Variants in DCAF8 observed in about 807,000 individuals in gnomAD.
DCAF8 encodes the protein DDB1- and CUL4-associated factor 8.
Under a neutral mutation model 68.0 loss-of-function variants are expected in DCAF8, and 20 were observed. The ratio of observed to expected loss-of-function variants is 0.29; its 90% confidence interval spans 0.21 to 0.43. DCAF8 has a LOEUF of 0.43. DCAF8 is among the 20% of genes least tolerant of loss of function. DCAF8 has a pLI of 1.00. For synonymous variants in DCAF8, 230 were observed against 276.9 expected (o/e 0.83, Z 1.68); for missense variants, 460 against 771.0 (o/e 0.60, Z 4.78).
intron 2 of DCAF8, among the ~76,000 whole-genome samples, chr1:160,259,451 T>C (rs1304868218): frequency 6.6e-6 from 1 of 152,094 alleles, no homozygotes; most frequent in South Asian, 2.1e-4. Context: ...GAGAATCGCT[T>C]GAACCAGGGA....
intron 4 of DCAF8, 27 bp downstream of exon 4, chr1:160,239,670 A>C: frequency 6.2e-7 from 1 of 1,614,172 alleles, no homozygotes; most frequent in Non-Finnish European, 8.5e-7. Context: ...TGATTCTCTC[A>C]GTTGCTATTA....
intron 3 of DCAF8, among the ~76,000 whole-genome samples, chr1:160,241,709 C>T (rs549168325): frequency 1.2e-4 from 18 of 152,214 alleles, no homozygotes; most frequent in South Asian, 4.2e-4. Context: ...AAATTTTATC[C>T]GCCAGAAGTA....
rs1228426347 is a variant in DCAF8 at position 160,217,384 on chromosome 1, G to C, written c.*208C>G. ...GCCGAGTCCTATGCACCTCTCCATA[G>C]AGCCCCATTCCAGGGCTCAACTCCC... On this transcript the variant is annotated 3_prime_UTR_variant, in exon 14 of 14. Coordinates refer to ENST00000368074, the MANE Select transcript of DCAF8 (RefSeq NM_015726.4). 1.0e-5 allele frequency: 5 copies of C among 491,196 alleles called. No individual in the cohort carries two copies. The highest frequency in any genetic ancestry group is 1.8e-5 in the Non-Finnish European group (5 of 278,284). 30.4% of individuals were successfully genotyped at this position (491,196 alleles called of 1,614,324 possible). A position where few individuals can be genotyped will look rare whatever the true frequency, so the allele number is the denominator to read the frequency against.
intron 7 of DCAF8, among the ~76,000 whole-genome samples, chr1:160,230,726 G>A (rs1655649281): frequency 6.6e-6 from 1 of 152,146 alleles, no homozygotes; most frequent in Non-Finnish European, 1.5e-5. Flanking sequence ...GCTGCCACGT[G>A]AGGACCTTGG....
chr1:160,234,799 T>TAC (rs1285262550), intron 6 of DCAF8, among the ~76,000 whole-genome samples: 4 of 151,076 alleles, frequency 2.6e-5, no homozygotes, highest in Admixed American at 6.6e-5. Flanking sequence ...GTCAGATAAC[T>TAC]ACAAAGCTAG....
rs776623943 is a variant in DCAF8 at position 160,239,919 on chromosome 1, G to A, written c.501C>T (p.Ala167=). ...ALRERELGSS[A]RFVYEACGAR... ...CCCCACAGGCCTCATAGACAAAGCG[G>A]GCACTTGAACCCAGCTCCCGCTCCC... Residue 167 remains alanine, a synonymous_variant, in exon 4 of 14, where the codon GCC becomes GCT. Coordinates refer to ENST00000368074, the MANE Select transcript of DCAF8 (RefSeq NM_015726.4). 1.2e-6 allele frequency: 2 copies of A among 1,614,256 alleles called. No homozygotes were observed. The highest frequency in any genetic ancestry group is 1.7e-6 in the Non-Finnish European group (2 of 1,180,048).
At chr1:160,236,787 TATTTAA>T (rs910060826) in intron 6 of DCAF8, among the ~76,000 whole-genome samples, 2 of 152,364 alleles carry the variant, frequency 1.3e-5, no homozygotes, top group Admixed American at 1.3e-4. Context: ...ATTAAAAATG[TATTTAA>T]ATTTAAAATT....
intron 10 of DCAF8, among the ~76,000 whole-genome samples, chr1:160,224,038 TG>T (rs1364750558): frequency 2.0e-5 from 3 of 152,204 alleles, no homozygotes; most frequent in African/African-American, 7.2e-5. Flanking sequence ...CCTCCTCTTC[TG>T]CCTCATCTAA....
At chr1:160,248,310 A>T (rs529106768) in intron 2 of DCAF8, among the ~76,000 whole-genome samples, 5 of 152,180 alleles carry the variant, frequency 3.3e-5, no homozygotes, top group African/African-American at 1.2e-4. Flanking sequence ...CCATCTAGAA[A>T]AAAAAAAAAA....
intron 2 of DCAF8, among the ~76,000 whole-genome samples, chr1:160,248,948 T>C (rs1656469617): frequency 6.6e-6 from 1 of 151,542 alleles, no homozygotes; most frequent in African/African-American, 2.4e-5. Context: ...TCCCAGCACT[T>C]TGGGAGGCTG....
At chr1:160,252,559 A>T (rs1398769892) in intron 2 of DCAF8, among the ~76,000 whole-genome samples, 1 of 152,178 alleles carries the variant, frequency 6.6e-6, no homozygotes, top group Non-Finnish European at 1.5e-5. Flanking sequence ...AGTATAATAA[A>T]AGCTTTGTTG....
Position 160,218,345 on chromosome 1 carries a change from C to T in DCAF8, c.1656G>A (p.Leu552=), listed in dbSNP as rs369866330. 1.9e-5 allele frequency: 31 copies of T among 1,614,080 alleles called. No homozygotes were observed. In the African/African-American group the frequency reaches 3.1e-4, roughly 16 times the overall value. The part of the protein sequence containing the change: ...SHMLWFLMHH[L]RQRRHHRRWR... ...TTACCCGGTGATGGCGTCTCTGTCT[C>T]AGGTGATGCATAAGGAACCACAGCA... Residue 552 remains leucine, a synonymous_variant, in exon 13 of 14, where the codon CTG becomes CTA. Coordinates refer to ENST00000368074, the MANE Select transcript of DCAF8 (RefSeq NM_015726.4).
intron 2 of DCAF8, among the ~76,000 whole-genome samples, chr1:160,244,309 C>T (rs1434404492): frequency 2.6e-5 from 4 of 152,042 alleles, no homozygotes; most frequent in African/African-American, 7.2e-5. Context: ...TTTTCAGATG[C>T]GAAAGTGGGA....
At chr1:160,237,038 C>T (rs750453364) in intron 6 of DCAF8, 97 bp downstream of exon 6, 4 of 806,766 alleles carry the variant, frequency 5.0e-6, no homozygotes, top group Non-Finnish European at 7.8e-6. Flanking sequence ...CACAAAGGTA[C>T]TATTCGGATG....
chr1:160,255,497 A>G (rs1412085310), intron 2 of DCAF8, among the ~76,000 whole-genome samples: 5 of 152,238 alleles, frequency 3.3e-5, no homozygotes, highest in African/African-American at 1.2e-4. Flanking sequence ...ATCACCATGG[A>G]TAATGATGAG....
chr1:160,233,962 G>GT (rs1655781519), intron 6 of DCAF8, among the ~76,000 whole-genome samples: 1 of 152,114 alleles, frequency 6.6e-6, no homozygotes, highest in South Asian at 2.1e-4. Context: ...TAATGAGCAA[G>GT]TATGTCCCAG....
rs1275593295 is a variant in DCAF8, at chr1:160,251,748, C to A, written c.-26-7714G>T. Among the ~76,000 whole-genome samples the A allele has an allele frequency of 2.6e-5, 4 of 152,160 alleles. No individual in the cohort carries two copies. In the East Asian group the frequency reaches 7.7e-4, roughly 29 times the overall value. On this transcript the variant is annotated intron_variant, in intron 2 of 13. Coordinates refer to ENST00000368074, the MANE Select transcript of DCAF8 (RefSeq NM_015726.4). ...CTCCCAAAATGCTTGAGATTACAGGCACGAGCCACTGCACCTGGCCGTATA... is the reference window on the plus strand; with the variant it reads ...CTCCCAAAATGCTTGAGATTACAGGAACGAGCCACTGCACCTGGCCGTATA...
intron 2 of DCAF8, among the ~76,000 whole-genome samples, chr1:160,254,102 T>TTA (rs1474864672): frequency 6.6e-6 from 1 of 152,144 alleles, no homozygotes; most frequent in Non-Finnish European, 1.5e-5. Flanking sequence ...GGCAGGCGGA[T>TTA]CATGAGGTCA....
At chr1:160,222,616 T>C in intron 11 of DCAF8, 35 bp downstream of exon 11, 1 of 1,611,768 alleles carries the variant, frequency 6.2e-7, no homozygotes, top group Non-Finnish European at 8.5e-7. Context: ...ACTGGAGAGA[T>C]TAGGGAGCCA....
Sources: allele counts gnomAD v4.1 joint callset (sites outside exome capture counted in the v4.1 genomes callset), GRCh38; gene constraint gnomAD v4.1.1; transcripts MANE v1.5; gene names NCBI Gene and HGNC (gene_info 2026-07-23, HGNC 2026-07-21).